The following ESR1 variants were observed in gnomAD, a reference collection of about 807,000 sequenced individuals.
The protein encoded by ESR1 is estrogen receptor 1.
In ESR1, 12 loss-of-function variants were observed where a neutral mutation model predicts 52.7. The observed-to-expected ratio is 0.23, with a 90% CI of 0.15 to 0.37. The LOEUF is 0.37. ESR1 is among the 10% of genes least tolerant of loss of function. The pLI, the probability that ESR1 is intolerant of heterozygous loss-of-function variation, is 1.00. For synonymous variants in ESR1, 305 were observed against 316.8 expected, an observed-to-expected ratio of 0.96 and a Z score of 0.39; for missense variants, 584 against 779.7, an observed-to-expected ratio of 0.75 and a Z score of 2.99.
intron 4 of ESR1, among the ~76,000 whole-genome samples, chr6:151,980,526 A>G (rs1165355656): frequency 2.0e-5 from 3 of 152,174 alleles, no homozygotes; most frequent in Admixed American, 6.5e-5. Context: ...TTTCTTTTCT[A>G]TATAGGTGAC....
intron 2 of ESR1, among the ~76,000 whole-genome samples, chr6:151,709,763 TG>T (rs1460131920): frequency 6.6e-6 from 1 of 151,908 alleles, no homozygotes; most frequent in Admixed American, 6.6e-5. Flanking sequence ...GTCAGTGGAT[TG>T]CTAAATCTTA....
intron 5 of ESR1, among the ~76,000 whole-genome samples, chr6:152,021,437 A>G (rs1446778550): frequency 6.6e-6 from 1 of 152,144 alleles, no homozygotes; most frequent in Non-Finnish European, 1.5e-5. Flanking sequence ...CTGTCCCTCT[A>G]GAGAACCCTG....
At chr6:152,008,245 A>T (rs544682065) in intron 4 of ESR1, among the ~76,000 whole-genome samples, 1 of 152,078 alleles carries the variant, frequency 6.6e-6, no homozygotes, top group Non-Finnish European at 1.5e-5. Flanking sequence ...CTCTCTCCCA[A>T]CCCTGACCCA....
chr6:151,839,850 T>G (rs1404792350), intron 1 of ESR1, among the ~76,000 whole-genome samples: 2 of 152,168 alleles, frequency 1.3e-5, no homozygotes, highest in African/African-American at 4.8e-5. Context: ...GTTTCAGTTT[T>G]GTGAAATGAA....
At chr6:151,979,518 A>G (rs1341660682) in intron 4 of ESR1, among the ~76,000 whole-genome samples, 1 of 152,138 alleles carries the variant, frequency 6.6e-6, no homozygotes, top group Non-Finnish European at 1.5e-5. Flanking sequence ...CCTTATTTTA[A>G]TGCCATAAAA....
At chr6:151,908,112 A>G (rs1797723343) in intron 3 of ESR1, among the ~76,000 whole-genome samples, 1 of 152,072 alleles carries the variant, frequency 6.6e-6, no homozygotes, top group South Asian at 2.1e-4. Flanking sequence ...CTTTCCCCTT[A>G]TGTTTTTAAC....
intron 4 of ESR1, among the ~76,000 whole-genome samples, chr6:151,993,402 A>T (rs183458470): frequency 2.0e-5 from 3 of 152,270 alleles, no homozygotes; most frequent in East Asian, 3.9e-4. Context: ...TCTGGGTCGG[A>T]CTTGGCCCAG....
chr6:152,092,265 G>A (rs2050247032), intron 6 of ESR1, among the ~76,000 whole-genome samples: 1 of 152,204 alleles, frequency 6.6e-6, no homozygotes, highest in Admixed American at 6.5e-5. Flanking sequence ...TGTGCTGTTT[G>A]CTTTAGATCA....
rs753667525 is a variant in ESR1 at position 152,098,040 on chromosome 6, C to A, written c.1554-692C>A. ...TTCCGAGGAGGCGGCATTTGAAGAC[C>A]GGAGGAAGGTTCATCCCAGCAAGTA... is the stretch of plus-strand genomic sequence containing the variant. On this transcript the variant is annotated intron_variant, in intron 7 of 7. Transcript: ENST00000206249. This position sits in a 1 kb window ranked among gnomAD's most constrained non-coding sequence, Gnocchi z 5.1. 6.6e-6 allele frequency among the ~76,000 whole-genome samples: 1 copy of A among 152,114 alleles called. No individual in the cohort carries two copies. Among genetic ancestry groups the A allele is most frequent in the South Asian group, 2.1e-4 (1 of 4,810 alleles).
At chr6:151,963,331 T>A (rs949650707) in intron 4 of ESR1, among the ~76,000 whole-genome samples, 5 of 152,186 alleles carry the variant, frequency 3.3e-5, no homozygotes, top group Non-Finnish European at 7.3e-5. Flanking sequence ...TGGTTGTCTG[T>A]TTCATGAAAG....
At chr6:152,007,407 G>A (rs960106273) in intron 4 of ESR1, among the ~76,000 whole-genome samples, 4 of 151,958 alleles carry the variant, frequency 2.6e-5, no homozygotes. Context: ...GTAGTGAGCT[G>A]ATTTATGATG....
At chr6:151,902,862 T>C (rs540807732) in intron 3 of ESR1, among the ~76,000 whole-genome samples, 17 of 152,358 alleles carry the variant, frequency 1.1e-4, no homozygotes, top group African/African-American at 4.1e-4. Flanking sequence ...TTTAGTATAC[T>C]GTCATCATTA....
intron 2 of ESR1, among the ~76,000 whole-genome samples, chr6:151,779,899 C>CAA (rs1192077755): frequency 1.4e-3 from 61 of 44,352 alleles, no homozygotes; most frequent in Middle Eastern, 9.3e-3. Flanking sequence ...GACTCCGTCT[C>CAA]AAAAAAAAAA....
intron 2 of ESR1, among the ~76,000 whole-genome samples, chr6:151,795,948 A>G (rs1025560815): frequency 6.6e-6 from 1 of 151,978 alleles, no homozygotes; most frequent in Admixed American, 6.6e-5. Flanking sequence ...GGAGATCAAA[A>G]TCATCCTGGC....
intron 3 of ESR1, among the ~76,000 whole-genome samples, chr6:151,881,849 C>T (rs1157286346): frequency 6.6e-6 from 1 of 151,168 alleles, no homozygotes; most frequent in Non-Finnish European, 1.5e-5. Flanking sequence ...CGCCACTGCA[C>T]TCCAGCCTGG....
At chr6:151,943,391 A>C (rs1024193785) in intron 3 of ESR1, among the ~76,000 whole-genome samples, 4 of 139,834 alleles carry the variant, frequency 2.9e-5, no homozygotes, top group African/African-American at 5.7e-5. Flanking sequence ...AAAAAAAAAC[A>C]AAAAAAAACA....
intron 1 of ESR1, among the ~76,000 whole-genome samples, chr6:151,701,528 T>TAAAAAA (rs1779783912): frequency 2.0e-5 from 1 of 49,274 alleles, no homozygotes; most frequent in Non-Finnish European, 3.4e-5. Flanking sequence ...ACACTACATC[T>TAAAAAA]CAAAAAAAAA....
chr6:152,026,685 T>C (rs2044171262), intron 5 of ESR1, among the ~76,000 whole-genome samples: 2 of 152,006 alleles, frequency 1.3e-5, no homozygotes, highest in African/African-American at 4.8e-5. Context: ...TCAGGTATTT[T>C]GTATTTTTGT....
intron 6 of ESR1, among the ~76,000 whole-genome samples, chr6:152,082,457 G>A (rs903118471): frequency 3.3e-5 from 5 of 152,128 alleles, no homozygotes; most frequent in East Asian, 1.9e-4. Context: ...TTGATGGAAC[G>A]TACCTCAAAA....
Sources: gnomAD v4.1 joint callset for allele counts (sites outside exome capture counted in the v4.1 genomes callset) on GRCh38, gnomAD v4.1.1 for gene constraint, Gnocchi (gnomAD v3.1) non-coding constraint, MANE v1.5 for transcripts, NCBI Gene and HGNC (gene_info 2026-07-23, HGNC 2026-07-21) for gene names.